Variants in SCNN1B observed in about 807,000 individuals in gnomAD.
The protein encoded by SCNN1B is epithelial sodium channel subunit beta.
Under a neutral mutation model 65.3 loss-of-function variants are expected in SCNN1B, and 46 were observed. The observed-to-expected ratio is 0.70, with a 90% CI of 0.56 to 0.90. SCNN1B has a LOEUF of 0.90. Among genes scored for constraint, SCNN1B ranks in the 40% least tolerant of loss-of-function variants. The pLI is 0.00. For missense variants in SCNN1B, 751 were observed against 830.5 expected (o/e 0.90, Z 1.18); for synonymous variants, 349 against 330.6 (o/e 1.06, Z -0.60).
At chr16:23,309,675 C>T (rs566740026) in intron 1 of SCNN1B, among the ~76,000 whole-genome samples, 1 of 152,322 alleles carries the variant, frequency 6.6e-6, no homozygotes, top group African/African-American at 2.4e-5. Flanking sequence ...ATACTAGCTG[C>T]ATTGGCAGCT....
intron 1 of SCNN1B, among the ~76,000 whole-genome samples, chr16:23,318,298 G>A (rs939522111): frequency 9.9e-5 from 15 of 152,148 alleles, no homozygotes; most frequent in South Asian, 2.1e-4. Flanking sequence ...CCATCTCCTC[G>A]TCTAAAAAAC....
chr16:23,344,364 A>G (rs1316877317), intron 1 of SCNN1B, among the ~76,000 whole-genome samples: 1 of 152,232 alleles, frequency 6.6e-6, no homozygotes, highest in Non-Finnish European at 1.5e-5. Context: ...CAGAATAATT[A>G]CATGAGAATA....
chr16:23,334,007 C>T (rs1961883520), intron 1 of SCNN1B, among the ~76,000 whole-genome samples: 1 of 152,162 alleles, frequency 6.6e-6, no homozygotes, highest in Non-Finnish European at 1.5e-5. Context: ...ATGTGCTGTG[C>T]TTGCCTGCGA....
At chr16:23,328,446 CTCAAAGTCAGCCCTTGTGCATT>C (rs1433501123) in intron 1 of SCNN1B, among the ~76,000 whole-genome samples, 1 of 152,184 alleles carries the variant, frequency 6.6e-6, no homozygotes. Context: ...CCTTGTACAT[CTCAAAGTCAGCCCTTGTGCATT>C]AAGTACTTAG....
upstream of SCNN1B, among the ~76,000 whole-genome samples, chr16:23,297,856 G>C (rs974668561): frequency 2.4e-4 from 37 of 152,168 alleles, no homozygotes; most frequent in African/African-American, 8.9e-4. Flanking sequence ...TGACCCCAGA[G>C]CTAAACTAAG....
At chr16:23,330,044 AAAAG>A (rs1376664466) in intron 1 of SCNN1B, among the ~76,000 whole-genome samples, 6 of 152,102 alleles carry the variant, frequency 3.9e-5, no homozygotes, top group Non-Finnish European at 8.8e-5. Context: ...AAAAAAGAAA[AAAAG>A]AGAGCGAAAG....
chr16:23,305,004 G>T (rs138514438), intron 1 of SCNN1B, among the ~76,000 whole-genome samples: 1 of 152,150 alleles, frequency 6.6e-6, no homozygotes, highest in African/African-American at 2.4e-5. Flanking sequence ...GTGGGGGGAC[G>T]CAGGGGTGAT....
At chr16:23,320,163 G>C (rs535567329) in intron 1 of SCNN1B, among the ~76,000 whole-genome samples, 1 of 152,226 alleles carries the variant, frequency 6.6e-6, no homozygotes, top group African/African-American at 2.4e-5. Context: ...GATGATGCCA[G>C]TGCTGCTGGT....
At chr16:23,335,992 T>C (rs1961930651) in intron 1 of SCNN1B, among the ~76,000 whole-genome samples, 1 of 152,154 alleles carries the variant, frequency 6.6e-6, no homozygotes, top group South Asian at 2.1e-4. Flanking sequence ...AAGAGGTTCA[T>C]AGGTGCACAC....
intron 2 of SCNN1B, among the ~76,000 whole-genome samples, chr16:23,292,930 C>T (rs1960946679): frequency 6.6e-6 from 1 of 151,134 alleles, no homozygotes; most frequent in Non-Finnish European, 1.5e-5. Flanking sequence ...GCCCAGCTAA[C>T]ACGGTGAAAC....
At chr16:23,340,876 T>G (rs1962041039) in intron 1 of SCNN1B, among the ~76,000 whole-genome samples, 1 of 146,940 alleles carries the variant, frequency 6.8e-6, no homozygotes, top group African/African-American at 2.6e-5. Flanking sequence ...TTTTCATAAG[T>G]TTTTTAAAAT....
intron 1 of SCNN1B, among the ~76,000 whole-genome samples, chr16:23,333,209 GGAAGAA>G (rs1490979402): frequency 4.4e-5 from 4 of 91,320 alleles, no homozygotes; most frequent in African/African-American, 1.8e-4. Context: ...AAGGAAGGAA[GGAAGAA>G]AGAAAAAAGG....
chr16:23,303,653 A>G (rs1268642388), intron 1 of SCNN1B, among the ~76,000 whole-genome samples: 1 of 151,986 alleles, frequency 6.6e-6, no homozygotes, highest in African/African-American at 2.4e-5. Context: ...GTGGATATTT[A>G]ATAGAAATGA....
intron 1 of SCNN1B, among the ~76,000 whole-genome samples, chr16:23,345,043 A>G (rs1481797034): frequency 1.3e-5 from 2 of 152,276 alleles, no homozygotes; most frequent in Admixed American, 1.3e-4. Context: ...ACAGAGTTGG[A>G]GAAGAAAGCA....
chr16:23,372,214 C>T (rs537329712), intron 7 of SCNN1B: 2 of 422,074 alleles, frequency 4.7e-6, no homozygotes, highest in Admixed American at 7.0e-5. Context: ...AAATGCTGTG[C>T]GAAGGGCTGG....
In SCNN1B at chr16:23,381,082, A is replaced by C; in HGVS notation, c.*281A>C. 2.0e-6 allele frequency: 1 copy of C among 498,852 alleles called. No homozygotes were observed. Among genetic ancestry groups the C allele is most frequent in the Non-Finnish European group, 3.7e-6 (1 of 273,304 alleles). 30.9% of individuals were successfully genotyped at this position (498,852 alleles called of 1,614,324 possible). A position where few individuals can be genotyped will look rare whatever the true frequency, so the allele number is the denominator to read the frequency against. On this transcript the variant is annotated 3_prime_UTR_variant, in exon 13 of 13. Transcript: ENST00000343070. ...GATCCTGGTCCTGAAGACCCCTCGG[A>C]ACACCCTCTCCTGGTGGCAGGCCAC... is the stretch of plus-strand genomic sequence containing the variant.
At chr16:23,344,549 G>C (rs907618264) in intron 1 of SCNN1B, among the ~76,000 whole-genome samples, 41 of 152,224 alleles carry the variant, frequency 2.7e-4, no homozygotes, top group Non-Finnish European at 5.6e-4. Context: ...TGTTGCTCTT[G>C]TAGTTGCTAT....
chr16:23,280,036 T>C (rs1001459641), intron 1 of SCNN1B, among the ~76,000 whole-genome samples: 7 of 152,088 alleles, frequency 4.6e-5, no homozygotes, highest in Non-Finnish European at 5.9e-5. Flanking sequence ...GGATGCAGAT[T>C]TTAGAACAAC....
At chr16:23,304,102 G>A in intron 1 of SCNN1B, 1 of 1,535,206 alleles carries the variant, frequency 6.5e-7, no homozygotes, top group Non-Finnish European at 8.7e-7. Flanking sequence ...AAATTTTCAG[G>A]TTGGTTTTTA....
Sources: allele counts gnomAD v4.1 joint callset (sites outside exome capture counted in the v4.1 genomes callset), GRCh38; gene constraint gnomAD v4.1.1; transcripts MANE v1.5; gene names NCBI Gene and HGNC (gene_info 2026-07-23, HGNC 2026-07-21).